The following CDH23 variants were observed in gnomAD, a reference collection of about 807,000 sequenced individuals.
CDH23 encodes cadherin related 23.
CDH23 carries 189 observed loss-of-function variants against 317.1 expected under a neutral mutation model. That is an observed-to-expected ratio of 0.60 (90% CI 0.53 to 0.67). The LOEUF (loss-of-function observed/expected upper bound fraction) is 0.67. Ranked by LOEUF, CDH23 falls within the 30% of genes least tolerant of loss-of-function variation. CDH23 has a pLI of 0.00. For missense variants in CDH23, 4,401 were observed against 4,592.4 expected (o/e 0.96, Z 1.20); for synonymous variants, 1,839 against 1,876.8 (o/e 0.98, Z 0.52).
At chr10:71,590,646 A>T (rs1357949510) in intron 9 of CDH23, among the ~76,000 whole-genome samples, 1 of 152,180 alleles carries the variant, frequency 6.6e-6, no homozygotes, top group African/African-American at 2.4e-5. Context: ...TTTAGTTGAG[A>T]TTGAAAGGAG....
intron 34 of CDH23, 150 bp from the exon 35 acceptor site, chr10:71,738,348 G>A: frequency 1.1e-6 from 1 of 873,456 alleles, no homozygotes; most frequent in Non-Finnish European, 1.8e-6. Flanking sequence ...CCTTTGTAAA[G>A]TCAGGATAGG....
intron 1 of CDH23, among the ~76,000 whole-genome samples, chr10:71,435,425 T>C (rs1471729041): frequency 2.0e-5 from 3 of 152,206 alleles, no homozygotes; most frequent in African/African-American, 7.2e-5. Flanking sequence ...TGGCCCTATG[T>C]CCTCCCACTG....
intron 38 of CDH23, among the ~76,000 whole-genome samples, chr10:71,754,608 C>T (rs1250402468): frequency 6.6e-6 from 1 of 152,162 alleles, no homozygotes; most frequent in Non-Finnish European, 1.5e-5. Flanking sequence ...GATGTTTGTG[C>T]CCATGACTTA....
chr10:71,784,800 C>A, intron 42 of CDH23, 91 bp from the exon 43 acceptor site: 1 of 975,288 alleles, frequency 1.0e-6, no homozygotes, highest in Non-Finnish European at 1.6e-6. Context: ...TCCCTCCCTC[C>A]ATGCCGCCCT....
chr10:71,759,728 C>A (rs531034938), intron 38 of CDH23, among the ~76,000 whole-genome samples: 1 of 151,674 alleles, frequency 6.6e-6, no homozygotes, highest in African/African-American at 2.4e-5. Flanking sequence ...AGAAGAATCG[C>A]TTGAATCCGG....
At chr10:71,774,223 C>T (rs1013729293) in intron 38 of CDH23, among the ~76,000 whole-genome samples, 5 of 138,628 alleles carry the variant, frequency 3.6e-5, no homozygotes, top group Admixed American at 1.4e-4. Flanking sequence ...CTCAGCTGTC[C>T]GCCTGGCTGT....
chr10:71,751,331 C>G lies in CDH23; in HGVS notation c.4845+9410C>G. On this transcript the variant is annotated intron_variant, in intron 38 of 69. Transcript: ENST00000224721. The surrounding 1 kb of genome is among the most constrained non-coding windows in gnomAD (Gnocchi z 4.9). ...AAGCAAAGTGAACGGGGCCCCTCTG[C>G]CCCTCACCCTCAACCCCACCCCGTG... 1 of 1,591,110 alleles carries G rather than the reference C, an allele frequency of 6.3e-7. No homozygotes were observed. Among genetic ancestry groups the G allele is most frequent in the Non-Finnish European group, 8.6e-7 (1 of 1,167,444 alleles).
chr10:71,437,486 C>T (rs1483740755), intron 1 of CDH23, among the ~76,000 whole-genome samples: 1 of 152,204 alleles, frequency 6.6e-6, no homozygotes, highest in Non-Finnish European at 1.5e-5. Context: ...GGAGTGCTGT[C>T]TGTGGGATTT....
At chr10:71,633,365 T>C (rs1293938918) in intron 11 of CDH23, among the ~76,000 whole-genome samples, 1 of 152,110 alleles carries the variant, frequency 6.6e-6, no homozygotes, top group Non-Finnish European at 1.5e-5. Context: ...CATTCATGCC[T>C]TTATCCCTTC....
intron 6 of CDH23, among the ~76,000 whole-genome samples, chr10:71,557,082 A>G (rs536365905): frequency 6.6e-6 from 1 of 152,202 alleles, no homozygotes; most frequent in South Asian, 2.1e-4. Context: ...CCTTCTCTTA[A>G]CATTCACTAT....
At position 71,803,378 on chromosome 10, in the gene CDH23, CTT is replaced by C. The variant is rs1216140697; in HGVS notation, c.7832_7833del (p.Phe2611CysfsTer31). 2 of 1,600,252 alleles carry C rather than the reference CTT, an allele frequency of 1.2e-6. No homozygotes were observed. On this transcript the variant is annotated frameshift_variant, in exon 55 of 70. Coordinates refer to ENST00000224721, the MANE Select transcript of CDH23 (RefSeq NM_022124.6). LOFTEE classifies it high-confidence loss of function. ...VIDVNDNRPV[F>X]VRPPNGTILH... Reference sequence around the variant, plus strand: ...TCGACGTCAATGACAACCGCCCTGTCTTTGTGCGCCCACCCAACGGCACCATC... The same window carrying C: ...TCGACGTCAATGACAACCGCCCTGTCTGTGCGCCCACCCAACGGCACCATC...
intron 48 of CDH23, chr10:71,795,718 C>A: frequency 1.8e-6 from 1 of 562,780 alleles, no homozygotes; most frequent in Non-Finnish European, 2.3e-6. Context: ...CTCCCTCCTC[C>A]CACCCCGTCA....
intron 3 of CDH23, among the ~76,000 whole-genome samples, chr10:71,502,013 C>T (rs1332132645): frequency 6.6e-6 from 1 of 152,234 alleles, no homozygotes; most frequent in Admixed American, 6.5e-5. Context: ...CAGCTACTCA[C>T]ACATGCATAG....
At chr10:71,600,833 A>C (rs1281831580) in intron 9 of CDH23, among the ~76,000 whole-genome samples, 3 of 152,076 alleles carry the variant, frequency 2.0e-5, no homozygotes, top group Non-Finnish European at 4.4e-5. Context: ...GAGCTTTTAA[A>C]AGTTGACCTT....
At chr10:71,497,139 C>T (rs1216389080) in intron 3 of CDH23, among the ~76,000 whole-genome samples, 4 of 152,170 alleles carry the variant, frequency 2.6e-5, no homozygotes, top group Non-Finnish European at 4.4e-5. Context: ...AGGAAGGAAC[C>T]AGCATGTGCC....
chr10:71,531,670 C>A (rs1389461589), intron 6 of CDH23, among the ~76,000 whole-genome samples: 3 of 152,046 alleles, frequency 2.0e-5, no homozygotes, highest in Non-Finnish European at 2.9e-5. Context: ...GGCTGAGGAC[C>A]AGAGAGCCTC....
intron 66 of CDH23, 188 bp from the exon 67 acceptor site, chr10:71,812,292 A>G: frequency 6.3e-7 from 1 of 1,598,870 alleles, no homozygotes; most frequent in Non-Finnish European, 8.5e-7. Flanking sequence ...CCAGACTGAC[A>G]TGCGGTCCTG....
chr10:71,670,037 G>A (rs1354451199), intron 14 of CDH23, among the ~76,000 whole-genome samples: 1 of 152,204 alleles, frequency 6.6e-6, no homozygotes, highest in Non-Finnish European at 1.5e-5. Flanking sequence ...CTGAACAAGT[G>A]TCTGGTCACT....
At chr10:71,692,525 C>A (rs1367433632) in intron 20 of CDH23, among the ~76,000 whole-genome samples, 4 of 152,226 alleles carry the variant, frequency 2.6e-5, no homozygotes, top group Non-Finnish European at 4.4e-5. Flanking sequence ...AGATTAATTT[C>A]TTCCTCGCCC....
Sources: gnomAD v4.1 joint callset for allele counts (sites outside exome capture counted in the v4.1 genomes callset) on GRCh38, gnomAD v4.1.1 for gene constraint, Gnocchi (gnomAD v3.1) non-coding constraint, MANE v1.5 for transcripts, NCBI Gene and HGNC (gene_info 2026-07-23, HGNC 2026-07-21) for gene names.